The following ST7L variants were observed in gnomAD, a reference collection of about 807,000 sequenced individuals.
The protein encoded by ST7L is suppression of tumorigenicity 7 like, also known as suppressor of tumorigenicity 7 protein-like.
ST7L carries 57 observed loss-of-function variants against 72.5 expected under a neutral mutation model. The ratio of observed to expected loss-of-function variants is 0.79; its 90% confidence interval spans 0.64 to 0.98. ST7L has a LOEUF of 0.98. ST7L is among the 50% of genes least tolerant of loss of function. The probability of loss-of-function intolerance (pLI) is 0.00; values close to 1 mark genes in which losing one functional copy is unlikely to be tolerated. For missense variants in ST7L, 576 were observed against 672.2 expected, an observed-to-expected ratio of 0.86 and a Z score of 1.58; for synonymous variants, 221 against 240.9, an observed-to-expected ratio of 0.92 and a Z score of 0.77.
upstream of ST7L, chr1:112,619,227 T>TG (rs1408693848): frequency 9.1e-6 from 9 of 985,704 alleles, no homozygotes; most frequent in Admixed American, 2.4e-5. Flanking sequence ...GGCTGAGTCC[T>TG]GGGGAACCGG....
intron 3 of ST7L, among the ~76,000 whole-genome samples, chr1:112,608,499 T>C (rs531059503): frequency 1.3e-5 from 2 of 152,298 alleles, no homozygotes; most frequent in East Asian, 3.9e-4. Flanking sequence ...CCATACTCTT[T>C]TACTGTCAAT....
At chr1:112,519,438 A>G (rs1652736452), downstream of ST7L, among the ~76,000 whole-genome samples, 1 of 152,078 alleles carries the variant, frequency 6.6e-6, no homozygotes, top group African/African-American at 2.4e-5. Context: ...ATTCTTATTA[A>G]CCATGGAAAA....
At chr1:112,617,072 T>A in intron 1 of ST7L, 177 bp from the exon 2 acceptor site, 1 of 391,990 alleles carries the variant, frequency 2.6e-6, no homozygotes. Context: ...TATCACTATT[T>A]GCAACAAATC....
At chr1:112,593,633 G>A (rs975049764) in intron 5 of ST7L, among the ~76,000 whole-genome samples, 11 of 151,994 alleles carry the variant, frequency 7.2e-5, no homozygotes, top group African/African-American at 2.7e-4. Context: ...GTTCAATTTT[G>A]CCCTATTTTT....
chr1:112,564,182 A>T (rs1660593842), intron 11 of ST7L, among the ~76,000 whole-genome samples: 1 of 152,208 alleles, frequency 6.6e-6, no homozygotes, highest in Admixed American at 6.5e-5. Context: ...ATACTACCTA[A>T]CAATTTCAGG....
At chr1:112,587,216 C>G (rs1259544346) in intron 6 of ST7L, among the ~76,000 whole-genome samples, 1 of 152,134 alleles carries the variant, frequency 6.6e-6, no homozygotes, top group Non-Finnish European at 1.5e-5. Context: ...AAGGGACCAC[C>G]TTTATGCTTT....
intron 13 of ST7L, among the ~76,000 whole-genome samples, chr1:112,550,112 G>C (rs1051644964): frequency 6.6e-6 from 1 of 152,072 alleles, no homozygotes; most frequent in African/African-American, 2.4e-5. Flanking sequence ...GCATTTGTGA[G>C]GTAAATCCCA....
chr1:112,587,360 G>A (rs1665015350), intron 6 of ST7L, among the ~76,000 whole-genome samples: 2 of 152,278 alleles, frequency 1.3e-5, no homozygotes, highest in South Asian at 4.1e-4. Flanking sequence ...TCAGCACTTT[G>A]GGAGGCTGAG....
intron 11 of ST7L, among the ~76,000 whole-genome samples, chr1:112,566,294 C>CTTTTTTTTTTTTTTT (rs33915951): frequency 7.3e-5 from 8 of 108,962 alleles, no homozygotes; most frequent in Admixed American, 1.0e-4. Flanking sequence ...TTTTCTTCTT[C>CTTTTTTTTTTTTTTT]TTCTTTTTTT....
chr1:112,588,613 C>G (rs1046679465), intron 6 of ST7L, among the ~76,000 whole-genome samples: 1 of 152,102 alleles, frequency 6.6e-6, no homozygotes, highest in Non-Finnish European at 1.5e-5. Context: ...TGATGGGGAA[C>G]TCTGTCAAAT....
chr1:112,557,766 TAAAC>T (rs1025863638), intron 11 of ST7L, among the ~76,000 whole-genome samples: 7 of 152,084 alleles, frequency 4.6e-5, no homozygotes, highest in East Asian at 1.9e-4. Context: ...CAGGAGGACA[TAAAC>T]AAAGCACAGG....
intron 12 of ST7L, among the ~76,000 whole-genome samples, chr1:112,551,759 C>T (rs376066421): frequency 6.6e-6 from 1 of 152,104 alleles, no homozygotes; most frequent in African/African-American, 2.4e-5. Context: ...TAGCTAAGTA[C>T]ATAAATCTTT....
At chr1:112,547,472 C>T (rs147814402) in intron 13 of ST7L, among the ~76,000 whole-genome samples, 3,056 of 149,838 alleles carry the variant, frequency 0.02, 106 homozygotes, top group African/African-American at 0.07. Context: ...GGATTACAGG[C>T]GTGAGCCCCA....
At chr1:112,582,602 G>T in intron 7 of ST7L, 130 bp from the exon 8 acceptor site, 2 of 527,478 alleles carry the variant, frequency 3.8e-6, no homozygotes, top group Non-Finnish European at 6.6e-6. Flanking sequence ...TGTCAGAATG[G>T]AAGAATATTA....
At chr1:112,565,296 C>T (rs1660841582) in intron 11 of ST7L, among the ~76,000 whole-genome samples, 1 of 146,654 alleles carries the variant, frequency 6.8e-6, no homozygotes, top group Non-Finnish European at 1.5e-5. Flanking sequence ...TCTCAAACGC[C>T]TAACCTCAGA....
chr1:112,603,150 G>A (rs143497982), intron 3 of ST7L, among the ~76,000 whole-genome samples: 3,073 of 152,282 alleles, frequency 0.02, 106 homozygotes, highest in African/African-American at 0.069. Context: ...CTGCTACTGT[G>A]AGCCTGGCAA....
downstream of ST7L, chr1:112,520,546 C>T: frequency 6.2e-7 from 1 of 1,600,536 alleles, no homozygotes; most frequent in Non-Finnish European, 8.5e-7. Flanking sequence ...CAATTCAAGC[C>T]TCTCAACTCA....
intron 13 of ST7L, among the ~76,000 whole-genome samples, 154 bp downstream of exon 13, chr1:112,550,447 A>G (rs1657923750): frequency 6.6e-6 from 1 of 152,240 alleles, no homozygotes; most frequent in African/African-American, 2.4e-5. Flanking sequence ...TAGGAAATAA[A>G]TTGAATTATA....
downstream of ST7L, chr1:112,520,816 CCTT>C: frequency 2.8e-6 from 1 of 362,542 alleles, no homozygotes; most frequent in East Asian, 4.6e-5. Flanking sequence ...AGTTGAGGCT[CCTT>C]TTTTCTTTCC....
Sources: gnomAD v4.1 joint callset for allele counts (sites outside exome capture counted in the v4.1 genomes callset) on GRCh38, gnomAD v4.1.1 for gene constraint, MANE v1.5 for transcripts, NCBI Gene and HGNC (gene_info 2026-07-23, HGNC 2026-07-21) for gene names.